PCBP3: variants seen among roughly 807,000 people sequenced by gnomAD.
The protein encoded by PCBP3 is poly(rC) binding protein 3, also known as poly(rC)-binding protein 3.
A neutral mutation model predicts 52.7 loss-of-function variants in PCBP3; 25 were observed. The ratio of observed to expected loss-of-function variants is 0.47; its 90% CI spans 0.35 to 0.66. PCBP3 has a LOEUF of 0.66. Among genes scored for constraint, PCBP3 ranks in the 30% least tolerant of loss-of-function variants. The pLI, the probability that PCBP3 is intolerant of heterozygous loss-of-function variation, is 0.01. For missense variants in PCBP3, 391 were observed against 490.3 expected, an observed-to-expected ratio of 0.80 and a Z score of 1.91; for synonymous variants, 162 against 183.0, an observed-to-expected ratio of 0.89 and a Z score of 0.93.
In PCBP3 at chr21:45,741,294, G is replaced by A. The variant is rs1294134371; in HGVS notation, c.-162+5865G>A. ...TCATAGAACACCAAAGAAAGCAGTG[G>A]GGAGGCCCTTATTCACTGTGAGAAG... On this transcript the variant is annotated intron_variant, in intron 3 of 17. Transcript: ENST00000681687. The surrounding 1 kb of genome is among the most constrained non-coding windows in gnomAD (Gnocchi z 4.5). 6.6e-6 allele frequency among the ~76,000 whole-genome samples: 1 copy of A among 152,196 alleles called. No homozygotes were observed. Among genetic ancestry groups the A allele is most frequent in the African/African-American group, 2.4e-5 (1 of 41,448 alleles).
At chr21:45,814,778 GTGA>G (rs1490732619) in intron 4 of PCBP3, among the ~76,000 whole-genome samples, 35 of 135,204 alleles carry the variant, frequency 2.6e-4, no homozygotes, top group Non-Finnish European at 4.5e-4. Context: ...TGAGTGGTGA[GTGA>G]TGAGTGGTGA....
chr21:45,682,399 A>G (rs1188072343), intron 2 of PCBP3, among the ~76,000 whole-genome samples: 3 of 152,202 alleles, frequency 2.0e-5, no homozygotes, highest in African/African-American at 4.8e-5. Flanking sequence ...CATCTACTCC[A>G]TCTTCCCAGA....
chr21:45,722,065 C>T (rs185860960), intron 2 of PCBP3, among the ~76,000 whole-genome samples: 43 of 152,282 alleles, frequency 2.8e-4, no homozygotes, highest in Non-Finnish European at 4.9e-4. Context: ...ATGTTCACTA[C>T]AGCAGTAATT....
chr21:45,820,677 C>G (rs552930267), intron 4 of PCBP3, among the ~76,000 whole-genome samples: 29 of 152,268 alleles, frequency 1.9e-4, no homozygotes, highest in African/African-American at 6.7e-4. Context: ...CCCAGAGGCA[C>G]CTTGGTTTCT....
intron 1 of PCBP3, among the ~76,000 whole-genome samples, chr21:45,644,466 C>T (rs1440668796): frequency 6.6e-6 from 1 of 152,060 alleles, no homozygotes; most frequent in Non-Finnish European, 1.5e-5. Flanking sequence ...CTTATTGTCC[C>T]CACACGTGTT....
chr21:45,935,145 A>G lies in PCBP3; in HGVS notation c.857-108A>G, dbSNP rs182973369. On this transcript the variant is annotated intron_variant, in intron 15 of 17. Coordinates refer to ENST00000681687, the MANE Select transcript of PCBP3 (RefSeq NM_001384156.1). ...CTGTGCTGACCCTCACACTTGGGCC[A>G]GCTCTACAGCCCTGTCTCACTTGAC... 52 of 743,008 alleles carry G rather than the reference A, an allele frequency of 7.0e-5. No homozygotes were observed. In the Admixed American group the frequency reaches 9.3e-4, roughly 13 times the overall value. 46.0% of individuals were successfully genotyped at this position (743,008 alleles called of 1,614,324 possible).
chr21:45,937,905 C>T (rs1481858311), intron 16 of PCBP3, among the ~76,000 whole-genome samples: 1 of 152,248 alleles, frequency 6.6e-6, no homozygotes, highest in African/African-American at 2.4e-5. Flanking sequence ...GCGGGCATGC[C>T]CTGGCTGCTC....
At chr21:45,647,819 A>G (rs1302414722) in intron 1 of PCBP3, among the ~76,000 whole-genome samples, 2 of 152,188 alleles carry the variant, frequency 1.3e-5, no homozygotes, top group Non-Finnish European at 2.9e-5. Flanking sequence ...TCTCAGGACT[A>G]TGTTATGTTA....
intron 4 of PCBP3, among the ~76,000 whole-genome samples, chr21:45,781,467 A>G (rs1385651584): frequency 6.6e-6 from 1 of 152,200 alleles, no homozygotes; most frequent in African/African-American, 2.4e-5. Context: ...ACGATGAGAA[A>G]CCACTCGGTG....
chr21:45,877,275 C>T (rs781477929), intron 5 of PCBP3, among the ~76,000 whole-genome samples: 4 of 152,176 alleles, frequency 2.6e-5, no homozygotes, highest in Non-Finnish European at 4.4e-5. Context: ...TCGTGTAAAA[C>T]GGAGGAAGAG....
At chr21:45,668,545 A>G (rs999943924) in intron 1 of PCBP3, among the ~76,000 whole-genome samples, 3 of 151,966 alleles carry the variant, frequency 2.0e-5, no homozygotes, top group African/African-American at 7.3e-5. Flanking sequence ...GTTGGTTTTC[A>G]AGACTACTAT....
intron 4 of PCBP3, among the ~76,000 whole-genome samples, chr21:45,836,037 C>T (rs2093579343): frequency 6.6e-6 from 1 of 152,124 alleles, no homozygotes; most frequent in Non-Finnish European, 1.5e-5. Context: ...ACCAGAGGGG[C>T]AACGTGGGGC....
rs550413213 is a variant in PCBP3, at chr21:45,764,486, T to G, written c.-126+9034T>G. ...GCAAAACAAGCTGGCTGTGTATTAGTTAACCCGCCAAGTGAGGGGTGCTGC... is the reference window on the plus strand; with the variant it reads ...GCAAAACAAGCTGGCTGTGTATTAGGTAACCCGCCAAGTGAGGGGTGCTGC... On this transcript the variant is annotated intron_variant, in intron 4 of 17. Transcript: ENST00000681687. Among the ~76,000 whole-genome samples, 6 of 152,346 alleles carry G rather than the reference T, an allele frequency of 3.9e-5. No individual in the cohort carries two copies. The South Asian group carries it at 1.2e-3, about 32-fold the overall frequency.
chr21:45,898,754 G>GA (rs2095926132), intron 6 of PCBP3, among the ~76,000 whole-genome samples: 1 of 26,932 alleles, frequency 3.7e-5, no homozygotes, highest in African/African-American at 1.9e-4. Flanking sequence ...CCGTCCTCAC[G>GA]GCCTCCCTCT....
chr21:45,927,575 G>A (rs951508489), intron 13 of PCBP3, among the ~76,000 whole-genome samples: 4 of 151,256 alleles, frequency 2.6e-5, no homozygotes, highest in East Asian at 4.0e-4. Context: ...GTGAGCACCC[G>A]CCCATCCTCT....
intron 3 of PCBP3, among the ~76,000 whole-genome samples, chr21:45,744,619 A>G (rs912018375): frequency 4.6e-5 from 7 of 152,140 alleles, no homozygotes; most frequent in African/African-American, 1.7e-4. Context: ...GATCATTTAT[A>G]ATTTTACTAT....
chr21:45,675,736 C>T (rs1422762534), intron 2 of PCBP3, among the ~76,000 whole-genome samples: 1 of 152,128 alleles, frequency 6.6e-6, no homozygotes, highest in Non-Finnish European at 1.5e-5. Context: ...AAGGTCAAAA[C>T]TGTTTTCATA....
intron 17 of PCBP3, 139 bp from the exon 18 acceptor site, chr21:45,941,531 C>G: frequency 1.5e-6 from 1 of 667,918 alleles, no homozygotes; most frequent in Non-Finnish European, 2.6e-6. Flanking sequence ...GCTGTGGTCT[C>G]CAGCTCAGGA....
chr21:45,815,165 G>A (rs1440627136), intron 4 of PCBP3, among the ~76,000 whole-genome samples: 138 of 46,264 alleles, frequency 3.0e-3, no homozygotes, highest in African/African-American at 4.2e-3. Context: ...GTGGTGAGTA[G>A]TGAGTGGTGA....
Sources: gnomAD v4.1 joint callset for allele counts (sites outside exome capture counted in the v4.1 genomes callset) on GRCh38, gnomAD v4.1.1 for gene constraint, Gnocchi (gnomAD v3.1) non-coding constraint, MANE v1.5 for transcripts, NCBI Gene and HGNC (gene_info 2026-07-23, HGNC 2026-07-21) for gene names.